Variants in WDFY4 observed in about 807,000 individuals in gnomAD.
WDFY4 encodes the protein WD repeat- and FYVE domain-containing protein 4.
WDFY4 carries 169 observed loss-of-function variants against 351.9 expected under a neutral mutation model. The ratio of observed to expected loss-of-function variants is 0.48; its 90% confidence interval spans 0.42 to 0.55. The LOEUF (loss-of-function observed/expected upper bound fraction) is 0.55. Among genes scored for constraint, WDFY4 ranks in the 20% least tolerant of loss-of-function variants. The probability of loss-of-function intolerance (pLI) is 0.00; values close to 1 mark genes in which losing one functional copy is unlikely to be tolerated. For missense variants in WDFY4, 3,803 were observed against 3,935.6 expected (o/e 0.97, Z 0.90); for synonymous variants, 1,622 against 1,574.6 (o/e 1.03, Z -0.71).
rs1565198460 is a variant in WDFY4 at position 48,787,894 on chromosome 10, CT to C, written c.3809-634del. On this transcript the variant is annotated intron_variant, in intron 20 of 61. Coordinates refer to ENST00000325239, the MANE Select transcript of WDFY4 (RefSeq NM_001394531.1). Reference sequence around the variant, plus strand: ...TTCTTCTTTCTTTCTTCTTCTTCTCCTTCTTCTTCTTCTTCTTCTTCTTCTT... The same window carrying C: ...TTCTTCTTTCTTTCTTCTTCTTCTCCTCTTCTTCTTCTTCTTCTTCTTCTT... 5.9e-3 allele frequency among the ~76,000 whole-genome samples: 171 copies of C among 28,916 alleles called. 19 individuals are homozygous for C. Among genetic ancestry groups the C allele is most frequent in the African/African-American group, 0.026 (161 of 6,284 alleles). The allele number at this position is 28,916 out of a possible 152,430, so 19.0% of individuals were successfully genotyped here. A position where few individuals can be genotyped will look rare whatever the true frequency, so the allele number is the denominator to read the frequency against.
chr10:48,907,952 A>G (rs1243977814), intron 47 of WDFY4, among the ~76,000 whole-genome samples: 1 of 152,236 alleles, frequency 6.6e-6, no homozygotes, highest in African/African-American at 2.4e-5. Context: ...TGAGAGTGAC[A>G]GCCAGTGCTG....
In WDFY4 at chr10:48,970,279, G is replaced by A. The variant is rs760599206; in HGVS notation, c.8918G>A (p.Arg2973His). 154 of 1,550,670 alleles carry A rather than the reference G, an allele frequency of 9.9e-5. 2 individuals are homozygous for A. In the Middle Eastern group the frequency reaches 2.0e-3, roughly 20 times the overall value. Residue 2973 changes from arginine (R) to histidine (H), a missense_variant, in exon 57 of 62, where the codon CGC (arginine) becomes CAC (histidine). Arg to His is a conservative substitution (Grantham distance 29). Coordinates refer to ENST00000325239, the MANE Select transcript of WDFY4 (RefSeq NM_001394531.1). Reference sequence around the variant, plus strand: ...ACCAAAGGCCGCCCGAGGGGCTTGCGCCTCCGGCAGGTATGGTCCAGCTCG... The same window carrying A: ...ACCAAAGGCCGCCCGAGGGGCTTGCACCTCCGGCAGGTATGGTCCAGCTCG... Reference protein sequence around the residue: ...SMTKGRPRGLRLRQALYGHTQ... With the variant: ...SMTKGRPRGLHLRQALYGHTQ...
rs1486022354 is a variant in WDFY4, at chr10:48,817,323, C to T, written c.5419C>T (p.Arg1807Cys). ...SVLQFLSLVH[R>C]TYPQDPAWRA... ...GCTGCAGTTCCTCAGCCTCGTCCACCGCACCTACCCCCAGGACCCAGCGTG... is the reference window on the plus strand; with the variant it reads ...GCTGCAGTTCCTCAGCCTCGTCCACTGCACCTACCCCCAGGACCCAGCGTG... Residue 1807 changes from arginine to cysteine, a missense_variant, in exon 32 of 62, where the codon CGC (arginine) becomes TGC (cysteine). Physicochemically the swap from Arg to Cys is radical, Grantham distance 180 (BLOSUM62 -3). This residue lies in a region of WDFY4 where 3,054 missense variants were observed against 3,148.6 expected (regional missense o/e 0.97). Transcript: ENST00000325239. The T allele has an allele frequency of 7.1e-6, 11 of 1,551,566 alleles. No individual in the cohort carries two copies. Among genetic ancestry groups the T allele is most frequent in the Admixed American group, 3.9e-5 (2 of 50,998 alleles).
At chr10:48,931,659 T>C (rs1564503083) in intron 47 of WDFY4, among the ~76,000 whole-genome samples, 1 of 152,222 alleles carries the variant, frequency 6.6e-6, no homozygotes, top group Non-Finnish European at 1.5e-5. Context: ...TTGGGCTCAT[T>C]GCTTGCATGG....
intron 47 of WDFY4, among the ~76,000 whole-genome samples, chr10:48,926,819 A>T (rs1328990643): frequency 6.6e-6 from 1 of 152,236 alleles, no homozygotes; most frequent in Non-Finnish European, 1.5e-5. Context: ...ACATAATGCC[A>T]CGAGCCAGTT....
chr10:48,805,535 C>T (rs11101509), intron 26 of WDFY4, 114 bp downstream of exon 26: 56,793 of 1,396,384 alleles, frequency 0.041, 2,333 homozygotes, highest in East Asian at 0.16. Flanking sequence ...TTGGAACCTT[C>T]TAGGAATTTT....
At chr10:48,706,250 G>T (rs1365945018) in intron 1 of WDFY4, among the ~76,000 whole-genome samples, 1 of 152,194 alleles carries the variant, frequency 6.6e-6, no homozygotes, top group African/African-American at 2.4e-5. Flanking sequence ...TCTACTCTGT[G>T]CCAGCCCCTG....
rs114459309 is a variant in WDFY4 at position 48,829,966 on chromosome 10, G to T, written c.6341-734G>T. On this transcript the variant is annotated intron_variant, in intron 37 of 61. Coordinates refer to ENST00000325239, the MANE Select transcript of WDFY4 (RefSeq NM_001394531.1). ...ACATGGTTTTGATTACAACACAGAG[G>T]TACATACTTTGGGACTTGGCCAGTA... Among the ~76,000 whole-genome samples, 394 of 152,322 alleles carry T rather than the reference G, an allele frequency of 2.6e-3. 5 individuals carry two copies. Among genetic ancestry groups the T allele is most frequent in the African/African-American group, 8.6e-3 (359 of 41,562 alleles).
chr10:48,823,783 C>T (rs2067908493), intron 35 of WDFY4: 8 of 989,240 alleles, frequency 8.1e-6, no homozygotes, highest in Non-Finnish European at 9.6e-6. Flanking sequence ...GGGCTCGGCT[C>T]CCCACATATC....
At chr10:48,820,133 A>T in intron 32 of WDFY4, 101 bp from the exon 33 acceptor site, 1 of 1,309,162 alleles carries the variant, frequency 7.6e-7, no homozygotes, top group Non-Finnish European at 1.1e-6. Context: ...CGTACATGTC[A>T]CTGGGCATGA....
At chr10:48,925,304 G>A (rs1335251046) in intron 47 of WDFY4, among the ~76,000 whole-genome samples, 2 of 152,110 alleles carry the variant, frequency 1.3e-5, no homozygotes, top group Non-Finnish European at 2.9e-5. Context: ...AGGCGGGGCT[G>A]TATCTTCACA....
At chr10:48,730,088 C>T (rs574681894) in intron 8 of WDFY4, among the ~76,000 whole-genome samples, 49 of 152,342 alleles carry the variant, frequency 3.2e-4, no homozygotes, top group African/African-American at 1.1e-3. Context: ...GCTGGAGAAT[C>T]GGCTAAGAAA....
At chr10:48,707,992 A>T (rs1391627753) in intron 1 of WDFY4, among the ~76,000 whole-genome samples, 46 of 152,146 alleles carry the variant, frequency 3.0e-4, no homozygotes, top group Admixed American at 2.9e-3. Flanking sequence ...CAACAGAAGC[A>T]AAAGTATAAA....
At position 48,723,615 on chromosome 10, in the gene WDFY4, G is replaced by A. The variant is rs376833061; in HGVS notation, c.591+48G>A. 34 of 1,548,112 alleles carry A rather than the reference G, an allele frequency of 2.2e-5. 1 individual carries two copies. The African/African-American group carries it at 2.5e-4, about 11-fold the overall frequency. ...ATTCCCTGGGTCAAAACCTCACTTCGGGGACAGACTCTCCAATGCTTCCCG... is the reference window on the plus strand; with the variant it reads ...ATTCCCTGGGTCAAAACCTCACTTCAGGGACAGACTCTCCAATGCTTCCCG... On this transcript the variant is annotated intron_variant, in intron 5 of 61. Coordinates refer to ENST00000325239, the MANE Select transcript of WDFY4 (RefSeq NM_001394531.1).
At chr10:48,882,960 G>C (rs1408864819) in intron 43 of WDFY4, among the ~76,000 whole-genome samples, 1 of 152,074 alleles carries the variant, frequency 6.6e-6, no homozygotes, top group Non-Finnish European at 1.5e-5. Flanking sequence ...GCTAGGATTT[G>C]ACCTCAGATC....
chr10:48,748,974 T>G (rs1332506044), intron 12 of WDFY4, among the ~76,000 whole-genome samples: 1 of 152,190 alleles, frequency 6.6e-6, no homozygotes, highest in Non-Finnish European at 1.5e-5. Flanking sequence ...TTGGTGGCTG[T>G]GTTCTTTGGT....
intron 44 of WDFY4, among the ~76,000 whole-genome samples, chr10:48,893,745 ATG>A (rs1345422935): frequency 6.6e-6 from 1 of 152,216 alleles, no homozygotes; most frequent in Non-Finnish European, 1.5e-5. Context: ...AAATCGAAGT[ATG>A]TTTTATCCTG....
chr10:48,808,436 T>A (rs2067329715), intron 28 of WDFY4, among the ~76,000 whole-genome samples: 1 of 152,212 alleles, frequency 6.6e-6, no homozygotes, highest in Non-Finnish European at 1.5e-5. Context: ...TAAAATCAAG[T>A]GTAATCATAA....
chr10:48,885,101 G>T (rs1033665995), intron 43 of WDFY4, among the ~76,000 whole-genome samples: 1 of 151,938 alleles, frequency 6.6e-6, no homozygotes, highest in Non-Finnish European at 1.5e-5. Flanking sequence ...GGTGCCCAAC[G>T]GTCGGTTTCT....
Sources: gnomAD v4.1 joint callset for allele counts (sites outside exome capture counted in the v4.1 genomes callset) on GRCh38, gnomAD v4.1.1 for gene constraint, gnomAD v4.1.1 regional missense constraint, MANE v1.5 for transcripts, NCBI Gene and HGNC (gene_info 2026-07-23, HGNC 2026-07-21) for gene names.